PARVB: variants seen among roughly 807,000 people sequenced by gnomAD.
PARVB encodes parvin beta.
A neutral mutation model predicts 47.0 loss-of-function variants in PARVB; 46 were observed. The ratio of observed to expected loss-of-function variants is 0.98; its 90% CI spans 0.77 to 1.25. The LOEUF (loss-of-function observed/expected upper bound fraction) is 1.25. Among genes scored for constraint, PARVB ranks in the 50% most tolerant of loss-of-function variants. The pLI is 0.00. For missense variants in PARVB, 473 were observed against 471.6 expected (o/e 1.00, Z -0.03); for synonymous variants, 196 against 196.3 (o/e 1.00, Z 0.01).
intron 3 of PARVB, among the ~76,000 whole-genome samples, chr22:44,117,124 T>C (rs9985212): frequency 0.36 from 54,810 of 151,520 alleles, 10,174 homozygotes; most frequent in Middle Eastern, 0.5. Context: ...CGGAACCCCC[T>C]CTCCCCACCC....
At chr22:44,017,864 C>T (rs959107134) in intron 2 of PARVB, among the ~76,000 whole-genome samples, 11 of 152,128 alleles carry the variant, frequency 7.2e-5, no homozygotes, top group Non-Finnish European at 1.5e-4. Flanking sequence ...CGTGGGGTGC[C>T]AAGGGCAGTA....
intron 1 of PARVB, among the ~76,000 whole-genome samples, chr22:44,029,916 A>C (rs1486697766): frequency 9.3e-6 from 1 of 107,594 alleles, no homozygotes; most frequent in Non-Finnish European, 1.8e-5. Flanking sequence ...CCTCAAAAAA[A>C]AAAAAGAAAA....
At chr22:44,082,081 G>A (rs752254137) in intron 1 of PARVB, among the ~76,000 whole-genome samples, 2 of 152,200 alleles carry the variant, frequency 1.3e-5, no homozygotes, top group Non-Finnish European at 2.9e-5. Flanking sequence ...GTGAGGGGCC[G>A]AGAAAACGGG....
intron 2 of PARVB, among the ~76,000 whole-genome samples, chr22:44,002,408 G>C (rs1427726285): frequency 6.6e-6 from 1 of 152,176 alleles, no homozygotes; most frequent in African/African-American, 2.4e-5. Context: ...TCACCTCCCT[G>C]CCGCAGATCC....
chr22:44,006,320 G>A (rs1009921726), intron 2 of PARVB, among the ~76,000 whole-genome samples: 2 of 152,186 alleles, frequency 1.3e-5, no homozygotes, highest in Non-Finnish European at 2.9e-5. Context: ...GGAATCTGAC[G>A]ATACATTAGA....
intron 2 of PARVB, among the ~76,000 whole-genome samples, chr22:44,010,333 A>T (rs1227496371): frequency 1.3e-5 from 2 of 151,922 alleles, no homozygotes; most frequent in Admixed American, 1.3e-4. Flanking sequence ...CACTAAGATC[A>T]CTCTGCCCTT....
chr22:44,121,456 G>A (rs1029421095), intron 4 of PARVB, among the ~76,000 whole-genome samples: 1 of 151,970 alleles, frequency 6.6e-6, no homozygotes. Context: ...TTATGCTGGA[G>A]GTTGCAAAAT....
At chr22:44,166,714 G>A (rs962690864) in intron 12 of PARVB, among the ~76,000 whole-genome samples, 3 of 152,246 alleles carry the variant, frequency 2.0e-5, no homozygotes, top group Non-Finnish European at 4.4e-5. Flanking sequence ...TAGCACCTTC[G>A]CTGGGCCAGC....
exon 2 of PARVB, chr22:43,999,563 C>G: frequency 6.2e-7 from 1 of 1,609,016 alleles, no homozygotes; most frequent in Non-Finnish European, 8.5e-7. Context: ...CGTGGGTGTT[C>G]CTGCAGCTGG....
At chr22:44,161,702 A>C (rs2054056859) in intron 11 of PARVB, among the ~76,000 whole-genome samples, 1 of 152,192 alleles carries the variant, frequency 6.6e-6, no homozygotes, top group Admixed American at 6.5e-5. Context: ...CACCTCGTAC[A>C]GGGCTGGGAG....
intron 1 of PARVB, among the ~76,000 whole-genome samples, chr22:44,038,482 C>G (rs2050960533): frequency 1.3e-5 from 2 of 152,114 alleles, no homozygotes; most frequent in African/African-American, 4.8e-5. Context: ...AAATGATGTA[C>G]TTAAAACTGG....
At chr22:44,066,146 T>C (rs1474437409) in intron 1 of PARVB, among the ~76,000 whole-genome samples, 2 of 152,222 alleles carry the variant, frequency 1.3e-5, no homozygotes, top group Non-Finnish European at 2.9e-5. Context: ...TGGGTGGCTA[T>C]GGTGGAATCT....
At chr22:44,045,276 C>A (rs187468260) in intron 1 of PARVB, among the ~76,000 whole-genome samples, 84 of 152,154 alleles carry the variant, frequency 5.5e-4, no homozygotes, top group African/African-American at 1.1e-3. Context: ...TAAATACATA[C>A]ATACATAAAA....
chr22:44,147,493 A>G (rs1157859641), intron 8 of PARVB: 8 of 370,532 alleles, frequency 2.2e-5, no homozygotes, highest in Admixed American at 7.2e-5. Context: ...GACATTTGCC[A>G]GTAGACAAGG....
At chr22:44,082,036 C>G (rs2051913457) in intron 1 of PARVB, among the ~76,000 whole-genome samples, 1 of 152,078 alleles carries the variant, frequency 6.6e-6, no homozygotes, top group African/African-American at 2.4e-5. Flanking sequence ...TGAGAGTGGT[C>G]AGGAGGCAGT....
At position 44,024,406 on chromosome 22, in the gene PARVB, G is replaced by A; in HGVS notation, c.67G>A (p.Gly23Ser). The change falls in exon 1 of 13, where the codon GGC becomes AGC. Residue 23 changes from glycine (G) to serine (S), a missense_variant. Gly to Ser is a moderately conservative substitution (Grantham distance 56). Transcript: ENST00000338758. The part of the protein sequence containing the change: ...RRMKKDESFL[G>S]KLGGTLARKR... ...GATGAAGAAGGACGAGTCGTTCCTG[G>A]GCAAGCTGGGCGGCACCCTGGCCAG... 1 of 1,260,866 alleles carries A rather than the reference G, an allele frequency of 7.9e-7. No individual in the cohort carries two copies. Among genetic ancestry groups the A allele is most frequent in the Non-Finnish European group, 1.0e-6 (1 of 989,110 alleles). The allele number at this position is 1,260,866 out of a possible 1,614,324, so 78.1% of individuals were successfully genotyped here.
intron 1 of PARVB, among the ~76,000 whole-genome samples, chr22:44,075,452 C>A (rs923464942): frequency 1.3e-5 from 2 of 152,198 alleles, no homozygotes; most frequent in African/African-American, 4.8e-5. Context: ...ATCTGTGGTA[C>A]CTGGTGGACC....
At chr22:44,137,899 G>T (rs1238723083) in intron 7 of PARVB, among the ~76,000 whole-genome samples, 2 of 152,182 alleles carry the variant, frequency 1.3e-5, no homozygotes, top group African/African-American at 4.8e-5. Flanking sequence ...GCAGGAAACA[G>T]ACTCTGCCTC....
chr22:44,016,342 C>T (rs1041676420), intron 2 of PARVB, among the ~76,000 whole-genome samples: 13 of 151,940 alleles, frequency 8.6e-5, no homozygotes, highest in African/African-American at 1.9e-4. Context: ...GTGATCCGCC[C>T]GCCTCAGCCT....
Sources: gnomAD v4.1 joint callset for allele counts (sites outside exome capture counted in the v4.1 genomes callset) on GRCh38, gnomAD v4.1.1 for gene constraint, MANE v1.5 for transcripts, NCBI Gene and HGNC (gene_info 2026-07-23, HGNC 2026-07-21) for gene names.